The following ZC3H12B variants were observed in gnomAD, a reference collection of about 807,000 sequenced individuals.
ZC3H12B encodes probable ribonuclease ZC3H12B.
ZC3H12B carries 7 observed loss-of-function variants against 43.9 expected under a neutral mutation model. The ratio of observed to expected loss-of-function variants is 0.16; its 90% CI spans 0.09 to 0.30. The LOEUF (loss-of-function observed/expected upper bound fraction) is 0.30. Among genes scored for constraint, ZC3H12B ranks in the 10% least tolerant of loss-of-function variants. The probability of loss-of-function intolerance (pLI) is 1.00; values close to 1 mark genes in which losing one functional copy is unlikely to be tolerated. For synonymous variants in ZC3H12B, 222 were observed against 241.7 expected, an observed-to-expected ratio of 0.92 and a Z score of 0.76; for missense variants, 475 against 670.2, an observed-to-expected ratio of 0.71 and a Z score of 3.22.
At chrX:65,259,396 T>G in the ZC3H12B span, among the ~76,000 whole-genome samples, 1 of 112,050 alleles carries the variant, frequency 8.9e-6, no homozygotes, top group Non-Finnish European at 1.9e-5. Flanking sequence ...TCTTTACACC[T>G]TATATGAAAA....
intron 3 of ZC3H12B, among the ~76,000 whole-genome samples, chrX:65,403,235 G>C (rs1415243005): frequency 8.9e-6 from 1 of 111,913 alleles, no homozygotes; most frequent in Non-Finnish European, 1.9e-5. Context: ...CAAGAAGAAA[G>C]AGTGAGCTTG....
the ZC3H12B span, among the ~76,000 whole-genome samples, chrX:65,333,194 G>A: frequency 9.0e-5 from 10 of 111,225 alleles, no homozygotes; most frequent in African/African-American, 2.3e-4. Flanking sequence ...AAGGTAGGGG[G>A]CCAGTTTTAC....
chrX:65,382,923 A>G (rs1266226438), intron 2 of ZC3H12B, among the ~76,000 whole-genome samples: 1 of 110,935 alleles, frequency 9.0e-6, no homozygotes, highest in African/African-American at 3.3e-5. Context: ...TTCAAGGAGA[A>G]CTACAAACCA....
chrX:65,497,562 G>A (rs2068306528), intron 2 of ZC3H12B, among the ~76,000 whole-genome samples: 2 of 112,293 alleles, frequency 1.8e-5, no homozygotes, highest in African/African-American at 3.2e-5. Flanking sequence ...GATGAATCTG[G>A]TTATGAGCAT....
intron 3 of ZC3H12B, among the ~76,000 whole-genome samples, chrX:65,451,834 T>C (rs767145542): frequency 3.6e-5 from 4 of 112,097 alleles, no homozygotes; most frequent in African/African-American, 1.3e-4. Flanking sequence ...CAGTTTCTTT[T>C]TCAGGAGCTT....
chrX:65,047,804 G>GT, the ZC3H12B span, among the ~76,000 whole-genome samples: 54 of 105,068 alleles, frequency 5.1e-4, no homozygotes, highest in African/African-American at 9.9e-4. Context: ...GTTGGGCTAA[G>GT]TTTTTTTTTT....
chrX:65,459,191 G>A (rs1279307384), intron 3 of ZC3H12B, among the ~76,000 whole-genome samples: 1 of 111,719 alleles, frequency 9.0e-6, no homozygotes, highest in African/African-American at 3.3e-5. Flanking sequence ...CCAATAACAG[G>A]CTCTGAAATT....
intron 3 of ZC3H12B, among the ~76,000 whole-genome samples, chrX:65,453,267 A>G (rs1362078406): frequency 1.9e-5 from 2 of 102,914 alleles, no homozygotes; most frequent in African/African-American, 3.5e-5. Flanking sequence ...GAGGAAAAGA[A>G]GCCATTATAT....
the ZC3H12B span, among the ~76,000 whole-genome samples, chrX:65,160,117 T>G: frequency 8.9e-6 from 1 of 111,910 alleles, no homozygotes; most frequent in African/African-American, 3.2e-5. Context: ...TGAAACCCAC[T>G]TGATCATGGT....
chrX:65,416,786 C>T (rs1458369837), intron 3 of ZC3H12B, among the ~76,000 whole-genome samples: 1 of 82,784 alleles, frequency 1.2e-5, no homozygotes, highest in African/African-American at 4.5e-5. Context: ...GAGACTCCGT[C>T]AAAAAAAAAA....
the ZC3H12B span, among the ~76,000 whole-genome samples, chrX:65,230,683 C>G: frequency 9.2e-6 from 1 of 108,834 alleles, no homozygotes; most frequent in Non-Finnish European, 1.9e-5. Context: ...TTATATTCAG[C>G]GTTTTTCTTC....
At chrX:65,201,907 G>T in the ZC3H12B span, among the ~76,000 whole-genome samples, 2 of 104,782 alleles carry the variant, frequency 1.9e-5, no homozygotes, top group Non-Finnish European at 3.9e-5. Flanking sequence ...TTCTCCCTTC[G>T]CTCAGCTCTT....
intron 2 of ZC3H12B, among the ~76,000 whole-genome samples, chrX:65,392,007 T>C (rs1426464929): frequency 4.5e-5 from 5 of 111,840 alleles, no homozygotes; most frequent in Non-Finnish European, 7.5e-5. Flanking sequence ...CCTCGAGTGA[T>C]CTGCCTGCCT....
the ZC3H12B span, among the ~76,000 whole-genome samples, chrX:65,308,853 T>C: frequency 8.9e-6 from 1 of 112,051 alleles, no homozygotes; most frequent in African/African-American, 3.2e-5. Context: ...ACTGCACAGC[T>C]ACATGGAAAC....
upstream of ZC3H12B, among the ~76,000 whole-genome samples, chrX:65,486,906 C>T (rs747687692): frequency 2.2e-4 from 25 of 112,441 alleles, no homozygotes; most frequent in African/African-American, 8.1e-4. Context: ...ATCTTATAAA[C>T]AGTTGGTTTT....
chrX:65,181,405 G>A, the ZC3H12B span, among the ~76,000 whole-genome samples: 3 of 111,364 alleles, frequency 2.7e-5, no homozygotes, highest in African/African-American at 6.5e-5. Context: ...TTGACAAATG[G>A]GATCTAATTA....
chrX:65,057,159 A>C, the ZC3H12B span, among the ~76,000 whole-genome samples: 3 of 111,795 alleles, frequency 2.7e-5, no homozygotes, highest in Non-Finnish European at 3.8e-5. Flanking sequence ...TCATTAGTTG[A>C]TGCAGTTTCT....
At chrX:65,334,032 A>G in the ZC3H12B span, among the ~76,000 whole-genome samples, 1 of 112,103 alleles carries the variant, frequency 8.9e-6, no homozygotes, top group Admixed American at 9.5e-5. Context: ...TGATTTTTAT[A>G]CCAAAAAAGG....
intron 3 of ZC3H12B, among the ~76,000 whole-genome samples, chrX:65,436,480 T>G (rs2067223365): frequency 8.9e-6 from 1 of 112,584 alleles, no homozygotes; most frequent in South Asian, 3.7e-4. Flanking sequence ...TCTTCCTTCC[T>G]CAGCCCACCA....
Sources: allele counts gnomAD v4.1 joint callset (sites outside exome capture counted in the v4.1 genomes callset), GRCh38; gene constraint gnomAD v4.1.1; transcripts MANE v1.5; gene names NCBI Gene and HGNC (gene_info 2026-07-23, HGNC 2026-07-21).